Variants in GABBR2 observed in about 807,000 individuals in gnomAD.
GABBR2 encodes the protein G-protein coupled receptor 51.
In GABBR2, 23 loss-of-function variants were observed where a neutral mutation model predicts 105.6. The observed-to-expected ratio is 0.22, with a 90% confidence interval of 0.16 to 0.31. The LOEUF is 0.31. Among genes scored for constraint, GABBR2 ranks in the 10% least tolerant of loss-of-function variants. The probability of loss-of-function intolerance (pLI) is 1.00; values close to 1 mark genes in which losing one functional copy is unlikely to be tolerated. For missense variants in GABBR2, 734 were observed against 1,245.5 expected, an observed-to-expected ratio of 0.59 and a Z score of 6.18; for synonymous variants, 478 against 499.7, an observed-to-expected ratio of 0.96 and a Z score of 0.58.
At chr9:98,430,939 T>G (rs1825798115) in intron 7 of GABBR2, among the ~76,000 whole-genome samples, 1 of 151,778 alleles carries the variant, frequency 6.6e-6, no homozygotes, top group South Asian at 2.1e-4. Context: ...TTGGACTGTT[T>G]TTTTTTTTTC....
At chr9:98,566,643 CCAGCCTGGGTGA>C (rs983468917) in intron 2 of GABBR2, among the ~76,000 whole-genome samples, 2 of 151,758 alleles carry the variant, frequency 1.3e-5, no homozygotes, top group African/African-American at 4.8e-5. Context: ...CCACTGCACT[CCAGCCTGGGTGA>C]CAGACTGAGA....
At chr9:98,657,148 C>A (rs1159232222) in intron 1 of GABBR2, among the ~76,000 whole-genome samples, 1 of 152,228 alleles carries the variant, frequency 6.6e-6, no homozygotes, top group African/African-American at 2.4e-5. Context: ...TTTGCCCCTG[C>A]AGAGGGGGAG....
chr9:98,488,500 T>C (rs1827106982), intron 4 of GABBR2, among the ~76,000 whole-genome samples: 1 of 152,192 alleles, frequency 6.6e-6, no homozygotes, highest in African/African-American at 2.4e-5. Flanking sequence ...TCTTTTCCTT[T>C]TTTAAGAGTA....
At chr9:98,302,158 TCCAGCTAGAGACGACGTTTC>T (rs1830479533) in intron 16 of GABBR2, among the ~76,000 whole-genome samples, 1 of 152,146 alleles carries the variant, frequency 6.6e-6, no homozygotes, top group Non-Finnish European at 1.5e-5. Flanking sequence ...CTTGCAGCTG[TCCAGCTAGAGACGACGTTTC>T]CCAGCCTCTC....
chr9:98,390,375 CAAAAAAAAAAAAA>C (rs61216428), intron 9 of GABBR2, among the ~76,000 whole-genome samples: 8 of 32,444 alleles, frequency 2.5e-4, no homozygotes, highest in African/African-American at 8.1e-4. Flanking sequence ...CTCCATCTCA[CAAAAAAAAAAAAA>C]AAAAAAAAAA....
chr9:98,560,417 A>T lies in GABBR2; in HGVS notation c.459+17518T>A, dbSNP rs1828651868. Among the ~76,000 whole-genome samples the T allele has an allele frequency of 4.0e-5, 4 of 99,132 alleles. No individual in the cohort carries two copies. The South Asian group carries it at 1.4e-3, about 35-fold the overall frequency. The allele number at this position is 99,132 out of a possible 152,430, so 65.0% of individuals were successfully genotyped here. A position where few individuals can be genotyped will look rare whatever the true frequency, so the allele number is the denominator to read the frequency against. On this transcript the variant is annotated intron_variant, in intron 2 of 18. Transcript: ENST00000259455. Reference sequence around the variant, plus strand: ...CATACACACATACACACACACACACATATACACATACACACACACACACAT... The same window carrying T: ...CATACACACATACACACACACACACTTATACACATACACACACACACACAT...
intron 1 of GABBR2, among the ~76,000 whole-genome samples, chr9:98,615,894 A>G (rs764010237): frequency 6.6e-5 from 10 of 152,370 alleles, no homozygotes; most frequent in Non-Finnish European, 1.3e-4. Flanking sequence ...CAGTTCTGTC[A>G]TCTATGAACT....
At chr9:98,553,849 G>A (rs1427483867) in intron 2 of GABBR2, among the ~76,000 whole-genome samples, 1 of 152,226 alleles carries the variant, frequency 6.6e-6, no homozygotes, top group Non-Finnish European at 1.5e-5. Context: ...AGAGCAGGGA[G>A]ACTAATGTCA....
chr9:98,300,447 TTCCCAGG>T (rs1668822698), intron 16 of GABBR2, among the ~76,000 whole-genome samples: 1 of 152,154 alleles, frequency 6.6e-6, no homozygotes, highest in Non-Finnish European at 1.5e-5. Flanking sequence ...ACCTGGCCCA[TTCCCAGG>T]TTATACAAAA....
chr9:98,321,146 G>C (rs1414541351), intron 13 of GABBR2, among the ~76,000 whole-genome samples: 2 of 152,068 alleles, frequency 1.3e-5, no homozygotes, highest in Admixed American at 1.3e-4. Flanking sequence ...CTCGGCCCTG[G>C]GGGGTCTGAG....
chr9:98,396,462 C>T (rs962022421), intron 8 of GABBR2, among the ~76,000 whole-genome samples: 4 of 152,170 alleles, frequency 2.6e-5, no homozygotes, highest in African/African-American at 7.2e-5. Flanking sequence ...TTCCTCTGAC[C>T]GTGGGTGGTG....
chr9:98,410,499 GA>G (rs1268910005), intron 7 of GABBR2, among the ~76,000 whole-genome samples: 1 of 146,584 alleles, frequency 6.8e-6, no homozygotes, highest in Non-Finnish European at 1.5e-5. Context: ...ATGCATGAGG[GA>G]AAAGCTTTTT....
intron 13 of GABBR2, among the ~76,000 whole-genome samples, chr9:98,311,813 GA>G (rs1427157369): frequency 2.0e-5 from 3 of 152,322 alleles, no homozygotes; most frequent in African/African-American, 7.2e-5. Context: ...AGGCTTGTCA[GA>G]TACCTATGAG....
At chr9:98,423,516 G>A (rs976718727) in intron 7 of GABBR2, among the ~76,000 whole-genome samples, 1 of 152,178 alleles carries the variant, frequency 6.6e-6, no homozygotes, top group Non-Finnish European at 1.5e-5. Flanking sequence ...CCCTTTGTCA[G>A]ATGAGTAGGT....
At chr9:98,590,037 T>G (rs1446757880) in intron 1 of GABBR2, among the ~76,000 whole-genome samples, 1 of 152,156 alleles carries the variant, frequency 6.6e-6, no homozygotes, top group Non-Finnish European at 1.5e-5. Context: ...CTGAACTAGG[T>G]TATCTTATTC....
At chr9:98,368,360 G>A (rs1201370020) in intron 12 of GABBR2, among the ~76,000 whole-genome samples, 1 of 151,730 alleles carries the variant, frequency 6.6e-6, no homozygotes, top group East Asian at 1.9e-4. Flanking sequence ...AAAAAAGTGT[G>A]TGTGTGGGAG....
chr9:98,651,451 T>C (rs1030127750), intron 1 of GABBR2, among the ~76,000 whole-genome samples: 2 of 150,746 alleles, frequency 1.3e-5, no homozygotes, highest in African/African-American at 4.9e-5. Flanking sequence ...TTAAAGAAAA[T>C]AGAGACAGAA....
At chr9:98,653,692 C>T (rs763476148) in intron 1 of GABBR2, among the ~76,000 whole-genome samples, 1 of 151,714 alleles carries the variant, frequency 6.6e-6, no homozygotes, top group African/African-American at 2.4e-5. Flanking sequence ...TCTTTATGTG[C>T]CTAAAAGGAC....
Position 98,416,080 on chromosome 9 carries a change from T to C in GABBR2, c.1237-9939A>G, listed in dbSNP as rs542506996. Reference sequence around the variant, plus strand: ...GAAAAAAGAGCTCTGATGTGTAGTGTTTGCCAATTTCCGTGGTGTAAATAC... The same window carrying C: ...GAAAAAAGAGCTCTGATGTGTAGTGCTTGCCAATTTCCGTGGTGTAAATAC... On this transcript the variant is annotated intron_variant, in intron 7 of 18. Coordinates refer to ENST00000259455, the MANE Select transcript of GABBR2 (RefSeq NM_005458.8). 5.9e-5 allele frequency among the ~76,000 whole-genome samples: 9 copies of C among 152,234 alleles called. No homozygotes were observed. The East Asian group carries it at 1.4e-3, about 23-fold the overall frequency.
Sources: gnomAD v4.1 joint callset for allele counts (sites outside exome capture counted in the v4.1 genomes callset) on GRCh38, gnomAD v4.1.1 for gene constraint, MANE v1.5 for transcripts, NCBI Gene and HGNC (gene_info 2026-07-23, HGNC 2026-07-21) for gene names.